Variants in SLC22A15 observed in about 807,000 individuals in gnomAD.
SLC22A15 encodes the protein flipt 1.
In SLC22A15, 45 loss-of-function variants were observed where a neutral mutation model predicts 62.7. That is an observed-to-expected ratio of 0.72 (90% confidence interval 0.56 to 0.92). The LOEUF is 0.92. SLC22A15 is among the 40% of genes least tolerant of loss of function. The pLI is 0.00. For synonymous variants in SLC22A15, 264 were observed against 267.0 expected (o/e 0.99, Z 0.11); for missense variants, 622 against 665.6 (o/e 0.93, Z 0.72).
At chr1:116,055,308 A>G (rs1281518531) in intron 8 of SLC22A15, among the ~76,000 whole-genome samples, 5 of 152,232 alleles carry the variant, frequency 3.3e-5, no homozygotes. Context: ...AATCTAGAAG[A>G]AATGGATAAA....
chr1:116,053,704 T>C lies in SLC22A15; in HGVS notation c.1172-9058T>C, dbSNP rs1362337649. 3.9e-5 allele frequency among the ~76,000 whole-genome samples: 6 copies of C among 152,170 alleles called. No individual in the cohort carries two copies. In the East Asian group the frequency reaches 1.2e-3, roughly 29 times the overall value. On this transcript the variant is annotated intron_variant, in intron 8 of 11. Transcript: ENST00000369503. ...AAGCCCATCAGACTAACAGCGGATC[T>C]CTTGGCAGAAACTCTACAAGCCAGA...
intron 1 of SLC22A15, 58 bp downstream of exon 1, chr1:115,976,772 C>G (rs966150010): frequency 2.2e-6 from 3 of 1,361,450 alleles, no homozygotes; most frequent in African/African-American, 1.5e-5. Flanking sequence ...CGGCGCAGGG[C>G]TAGGCGTCCG....
Position 115,976,677 on chromosome 1 carries a change from A to G in SLC22A15, c.50A>G (p.Gln17Arg). The change falls in exon 1 of 12, where the codon CAG becomes CGG. Residue 17 changes from glutamine to arginine, a missense_variant. Physicochemically the swap from Gln to Arg is conservative, Grantham distance 43. Coordinates refer to ENST00000369503, the MANE Select transcript of SLC22A15 (RefSeq NM_018420.3). ...GCGGTGGGGGAGATGGGCATCTACC[A>G]GATGTACTTGTGCTTCCTGCTGGCC... ...FQAVGEMGIY[Q>R]MYLCFLLAVL... The G allele has an allele frequency of 6.3e-7, 1 of 1,587,498 alleles. No individual in the cohort carries two copies. The highest frequency in any genetic ancestry group is 8.6e-7 in the Non-Finnish European group (1 of 1,168,512).
chr1:116,022,344 G>A (rs2101343349), intron 4 of SLC22A15, among the ~76,000 whole-genome samples: 1 of 152,278 alleles, frequency 6.6e-6, no homozygotes, highest in East Asian at 1.9e-4. Context: ...TTTCTAAGAA[G>A]TTGGTAATGA....
At chr1:116,063,027 C>G (rs1658420069) in intron 9 of SLC22A15, 145 bp downstream of exon 9, 7 of 1,024,228 alleles carry the variant, frequency 6.8e-6, no homozygotes, top group Non-Finnish European at 1.0e-5. Context: ...AGGGTGAGAG[C>G]TTGCCTTGGC....
intron 8 of SLC22A15, among the ~76,000 whole-genome samples, chr1:116,041,465 A>T (rs930301287): frequency 6.6e-5 from 10 of 152,344 alleles, no homozygotes; most frequent in African/African-American, 2.4e-4. Context: ...CAGACAAAAT[A>T]TATACATATA....
At chr1:116,053,418 C>A (rs1402664151) in intron 8 of SLC22A15, among the ~76,000 whole-genome samples, 1 of 152,196 alleles carries the variant, frequency 6.6e-6, no homozygotes, top group Non-Finnish European at 1.5e-5. Context: ...AAAACCAAAT[C>A]TATGTCCGAT....
Position 116,028,244 on chromosome 1 carries a change from ATG to A in SLC22A15, c.728+1224_728+1225del, listed in dbSNP as rs1234063356. 3.3e-5 allele frequency among the ~76,000 whole-genome samples: 5 copies of A among 152,204 alleles called. No homozygotes were observed. In the East Asian group the frequency reaches 9.6e-4, roughly 29 times the overall value. ...ATATTTTAAAAATAAAATTTATTAA[ATG>A]TATTTTTAGTTATATGAATTTGAGT... On this transcript the variant is annotated intron_variant, in intron 5 of 11. Transcript: ENST00000369503.
intron 8 of SLC22A15, among the ~76,000 whole-genome samples, chr1:116,051,957 C>T (rs1480920460): frequency 6.6e-6 from 1 of 152,220 alleles, no homozygotes; most frequent in African/African-American, 2.4e-5. Context: ...CTCTGGTCTA[C>T]AGCTCCCAGC....
At chr1:116,012,728 AGGT>A (rs1656335088) in intron 2 of SLC22A15, among the ~76,000 whole-genome samples, 1 of 152,240 alleles carries the variant, frequency 6.6e-6, no homozygotes, top group African/African-American at 2.4e-5. Flanking sequence ...AACACATTAT[AGGT>A]GGTCCTCAAC....
At chr1:116,006,801 C>G (rs907650709) in intron 2 of SLC22A15, among the ~76,000 whole-genome samples, 5 of 151,940 alleles carry the variant, frequency 3.3e-5, no homozygotes, top group Non-Finnish European at 4.4e-5. Context: ...TTCTGTTTCT[C>G]TTTCTCTTTC....
chr1:116,018,744 A>T (rs183986014), intron 2 of SLC22A15, among the ~76,000 whole-genome samples: 152 of 152,256 alleles, frequency 1.0e-3, no homozygotes, highest in African/African-American at 3.4e-3. Context: ...CATCTCAAAT[A>T]TTTATCATTT....
intron 4 of SLC22A15, among the ~76,000 whole-genome samples, chr1:116,022,759 A>G (rs953469112): frequency 6.6e-6 from 1 of 152,218 alleles, no homozygotes; most frequent in African/African-American, 2.4e-5. Context: ...TAGCAAAGTG[A>G]AAAGGGAGAG....
intron 5 of SLC22A15, among the ~76,000 whole-genome samples, chr1:116,027,528 C>T (rs1657155264): frequency 6.6e-6 from 1 of 152,114 alleles, no homozygotes; most frequent in South Asian, 2.1e-4. Context: ...AGGATGATTC[C>T]CTGGTCAGGG....
At chr1:116,014,587 A>G (rs1656433546) in intron 2 of SLC22A15, among the ~76,000 whole-genome samples, 1 of 152,176 alleles carries the variant, frequency 6.6e-6, no homozygotes, top group Non-Finnish European at 1.5e-5. Flanking sequence ...CAATTTGCAA[A>G]TGATTTTTCA....
intron 2 of SLC22A15, among the ~76,000 whole-genome samples, chr1:115,996,856 G>T (rs1655453139): frequency 6.6e-6 from 1 of 151,612 alleles, no homozygotes; most frequent in African/African-American, 2.4e-5. Context: ...CATCTAAGTT[G>T]TCGCTTATTA....
intron 1 of SLC22A15, among the ~76,000 whole-genome samples, chr1:115,991,795 C>A (rs923013870): frequency 2.0e-5 from 3 of 152,160 alleles, no homozygotes; most frequent in African/African-American, 7.2e-5. Flanking sequence ...GAAAGAAAAA[C>A]CTCTGAAAAA....
intron 2 of SLC22A15, among the ~76,000 whole-genome samples, chr1:116,012,200 T>C (rs1451059113): frequency 6.6e-6 from 1 of 152,212 alleles, no homozygotes; most frequent in African/African-American, 2.4e-5. Context: ...ATGGGTTGTT[T>C]AGGTCACAGG....
At chr1:115,987,164 ATTTT>A (rs1157832035) in intron 1 of SLC22A15, among the ~76,000 whole-genome samples, 1 of 137,978 alleles carries the variant, frequency 7.2e-6, no homozygotes, top group Admixed American at 7.3e-5. Flanking sequence ...ATGTAGATAG[ATTTT>A]TTTTTTTTTT....
Sources: allele counts gnomAD v4.1 joint callset (sites outside exome capture counted in the v4.1 genomes callset), GRCh38; gene constraint gnomAD v4.1.1; transcripts MANE v1.5; gene names NCBI Gene and HGNC (gene_info 2026-07-23, HGNC 2026-07-21).